SHISAL1: variants seen among roughly 807,000 people sequenced by gnomAD.
SHISAL1 encodes the protein shisa like 1.
In SHISAL1, 9 loss-of-function variants were observed where a neutral mutation model predicts 22.6. The ratio of observed to expected loss-of-function variants is 0.40; its 90% CI spans 0.24 to 0.70. The LOEUF (loss-of-function observed/expected upper bound fraction) is 0.70, where lower values mean the gene tolerates loss of function less well. Ranked by LOEUF, SHISAL1 falls within the 30% of genes least tolerant of loss-of-function variation. The pLI is 0.39. For missense variants in SHISAL1, 246 were observed against 270.6 expected, an observed-to-expected ratio of 0.91 and a Z score of 0.64; for synonymous variants, 119 against 115.4, an observed-to-expected ratio of 1.03 and a Z score of -0.20.
chr22:44,281,585 G>A (rs2055277211), intron 4 of SHISAL1, among the ~76,000 whole-genome samples: 1 of 152,196 alleles, frequency 6.6e-6, no homozygotes, highest in Non-Finnish European at 1.5e-5. Context: ...ACAGTGCGAA[G>A]GAGACACCGT....
chr22:44,267,204 C>A (rs1187788627), intron 4 of SHISAL1, among the ~76,000 whole-genome samples: 1 of 152,114 alleles, frequency 6.6e-6, no homozygotes, highest in Non-Finnish European at 1.5e-5. Flanking sequence ...CTTCCAGACC[C>A]CATTTGCCCT....
chr22:44,267,069 C>G (rs2055169269), intron 4 of SHISAL1, among the ~76,000 whole-genome samples: 1 of 152,062 alleles, frequency 6.6e-6, no homozygotes, highest in African/African-American at 2.4e-5. Context: ...ACGGATTGCA[C>G]CTGGGATGGG....
chr22:44,300,106 CAGACAGAGAGACAG>C (rs1205523668), intron 2 of SHISAL1, among the ~76,000 whole-genome samples: 4 of 145,284 alleles, frequency 2.8e-5, no homozygotes, highest in Non-Finnish European at 4.5e-5. Flanking sequence ...CACAGAGAGA[CAGACAGAGAGACAG>C]AGACAGAGAG....
intron 4 of SHISAL1, among the ~76,000 whole-genome samples, chr22:44,265,773 C>T (rs1303977449): frequency 6.6e-6 from 1 of 152,244 alleles, no homozygotes; most frequent in East Asian, 1.9e-4. Context: ...GAATGAGCCT[C>T]TGACCTCAGC....
chr22:44,305,829 G>A (rs1028036119), intron 1 of SHISAL1, among the ~76,000 whole-genome samples: 1 of 152,174 alleles, frequency 6.6e-6, no homozygotes, highest in Admixed American at 6.5e-5. Context: ...CCTGTATGCT[G>A]GACAAAAGCC....
intron 2 of SHISAL1, among the ~76,000 whole-genome samples, chr22:44,299,002 C>T (rs1253529036): frequency 6.6e-6 from 1 of 152,198 alleles, no homozygotes; most frequent in Non-Finnish European, 1.5e-5. Flanking sequence ...ACCTCTCTGG[C>T]CTCCTCCCCT....
Position 44,300,931 on chromosome 22 carries a change from G to A in SHISAL1, c.15C>T (p.Gly5=). The change falls in exon 2 of 5, where the codon GGC becomes GGT. Residue 5 remains glycine, a synonymous_variant. Coordinates refer to ENST00000381176, the MANE Select transcript of SHISAL1 (RefSeq NM_001099294.2). The stretch of plus-strand genomic sequence containing the variant: ...CGGCGAGCACGTTCAAGGACTGCTG[G>A]CCACAACTGGTCATCGTCTGGCTTG... MTSC[G]QQSLNVLAVL... is the part of the protein sequence containing the mutation. The A allele has an allele frequency of 6.2e-7, 1 of 1,614,164 alleles. No individual in the cohort carries two copies. Among genetic ancestry groups the A allele is most frequent in the South Asian group, 1.1e-5 (1 of 91,082 alleles).
intron 4 of SHISAL1, among the ~76,000 whole-genome samples, chr22:44,267,776 C>T (rs1407431689): frequency 6.6e-6 from 1 of 152,258 alleles, no homozygotes; most frequent in Non-Finnish European, 1.5e-5. Flanking sequence ...CGTGCTATTT[C>T]CAGTGCCCGG....
chr22:44,285,805 T>C, intron 3 of SHISAL1, 60 bp from the exon 4 acceptor site: 1 of 1,373,096 alleles, frequency 7.3e-7, no homozygotes, highest in Non-Finnish European at 1.0e-6. Context: ...TCAGGCCGGC[T>C]TCATCAGTGG....
intron 2 of SHISAL1, 137 bp downstream of exon 2, chr22:44,300,742 G>A (rs953806601): frequency 1.6e-5 from 11 of 690,990 alleles, no homozygotes; most frequent in Admixed American, 6.6e-5. Context: ...CTGCTCACCA[G>A]AGGGGTGCCA....
chr22:44,282,960 G>A (rs544133746), intron 4 of SHISAL1, among the ~76,000 whole-genome samples: 5 of 152,222 alleles, frequency 3.3e-5, no homozygotes, highest in Non-Finnish European at 5.9e-5. Context: ...GAGCTATAAT[G>A]CTGGAGATGT....
intron 4 of SHISAL1, among the ~76,000 whole-genome samples, chr22:44,265,118 T>C (rs2055153188): frequency 6.6e-6 from 1 of 152,154 alleles, no homozygotes; most frequent in Non-Finnish European, 1.5e-5. Flanking sequence ...TTGAGGCCTG[T>C]GGTACGCAGC....
chr22:44,269,449 T>C (rs2055190116), intron 4 of SHISAL1, among the ~76,000 whole-genome samples: 1 of 129,286 alleles, frequency 7.7e-6, no homozygotes, highest in African/African-American at 3.1e-5. Flanking sequence ...ACACACACCA[T>C]GCCACACAGA....
chr22:44,274,622 G>A (rs1414341600), intron 4 of SHISAL1, among the ~76,000 whole-genome samples: 2 of 152,126 alleles, frequency 1.3e-5, no homozygotes, highest in African/African-American at 4.8e-5. Flanking sequence ...TGGACAACTG[G>A]GTGGCCGCTG....
At chr22:44,290,887 G>A (rs2055348413) in intron 3 of SHISAL1, among the ~76,000 whole-genome samples, 1 of 152,204 alleles carries the variant, frequency 6.6e-6, no homozygotes, top group Admixed American at 6.5e-5. Context: ...CCTCGCCCAA[G>A]GTCACACAGC....
chr22:44,280,749 A>T (rs2055271097), intron 4 of SHISAL1, among the ~76,000 whole-genome samples: 1 of 151,952 alleles, frequency 6.6e-6, no homozygotes, highest in Non-Finnish European at 1.5e-5. Context: ...AGCCCCCATC[A>T]GGTCCTCACA....
At chr22:44,289,984 T>C (rs1426224317) in intron 3 of SHISAL1, among the ~76,000 whole-genome samples, 2 of 152,194 alleles carry the variant, frequency 1.3e-5, no homozygotes, top group South Asian at 2.1e-4. Flanking sequence ...ATTCTTTTGG[T>C]GTTTCCCAAG....
intron 4 of SHISAL1, among the ~76,000 whole-genome samples, chr22:44,254,112 C>A (rs947457834): frequency 6.6e-6 from 1 of 151,796 alleles, no homozygotes; most frequent in African/African-American, 2.4e-5. Context: ...TAGACAATAA[C>A]AAAATATATA....
rs1378060576 is a variant in SHISAL1, at chr22:44,286,390, G to T, written c.282-645C>A. ...ATTTGCCCAACATTTCCCCACCGAG[G>T]GCTGCTCTGCCTTCCTCAGGCAGAG... On this transcript the variant is annotated intron_variant, in intron 3 of 4. Coordinates refer to ENST00000381176, the MANE Select transcript of SHISAL1 (RefSeq NM_001099294.2). Among the ~76,000 whole-genome samples the T allele has an allele frequency of 2.0e-5, 3 of 152,084 alleles. No homozygotes were observed. The East Asian group carries it at 5.8e-4, about 29-fold the overall frequency.
Sources: allele counts gnomAD v4.1 joint callset (sites outside exome capture counted in the v4.1 genomes callset), GRCh38; gene constraint gnomAD v4.1.1; transcripts MANE v1.5; gene names NCBI Gene and HGNC (gene_info 2026-07-23, HGNC 2026-07-21).